Variants in CACNB2 observed in about 807,000 individuals in gnomAD.
CACNB2 encodes voltage-dependent L-type calcium channel subunit beta-2.
Under a neutral mutation model 73.3 loss-of-function variants are expected in CACNB2, and 42 were observed. The ratio of observed to expected loss-of-function variants is 0.57; its 90% CI spans 0.45 to 0.74. CACNB2 has a LOEUF of 0.74. Ranked by LOEUF, CACNB2 falls within the 30% of genes least tolerant of loss-of-function variation. CACNB2 has a pLI of 0.00. For synonymous variants in CACNB2, 348 were observed against 310.3 expected (o/e 1.12, Z -1.28); for missense variants, 940 against 853.0 (o/e 1.10, Z -1.27).
intron 3 of CACNB2, 27 bp from the exon 4 acceptor site, chr10:18,498,328 T>C: frequency 6.2e-7 from 1 of 1,613,908 alleles, no homozygotes; most frequent in Non-Finnish European, 8.5e-7. Flanking sequence ...GCTCTTATTT[T>C]TTTCCCTCTT....
chr10:18,296,563 T>C (rs1274016495), intron 2 of CACNB2, among the ~76,000 whole-genome samples: 1 of 152,164 alleles, frequency 6.6e-6, no homozygotes, highest in Non-Finnish European at 1.5e-5. Context: ...TCAGTGAATA[T>C]GAATATTCAC....
intron 2 of CACNB2, among the ~76,000 whole-genome samples, chr10:18,212,643 T>C (rs1158153532): frequency 6.6e-6 from 1 of 152,216 alleles, no homozygotes; most frequent in Non-Finnish European, 1.5e-5. Context: ...AGGAATCTAA[T>C]TTTAAGTTTT....
intron 3 of CACNB2, among the ~76,000 whole-genome samples, chr10:18,496,385 C>A (rs1166785967): frequency 6.6e-6 from 1 of 152,062 alleles, no homozygotes; most frequent in Non-Finnish European, 1.5e-5. Flanking sequence ...AAATTAACTT[C>A]GGAAAATTTG....
intron 2 of CACNB2, among the ~76,000 whole-genome samples, chr10:18,283,385 G>A (rs2038640621): frequency 6.6e-6 from 1 of 152,024 alleles, no homozygotes; most frequent in African/African-American, 2.4e-5. Context: ...ATTTATTGCA[G>A]CACTATTCAC....
At chr10:18,230,528 A>C (rs924398444) in intron 2 of CACNB2, among the ~76,000 whole-genome samples, 1 of 152,252 alleles carries the variant, frequency 6.6e-6, no homozygotes, top group Non-Finnish European at 1.5e-5. Context: ...CAGTTCCTTG[A>C]GATTTAAAAA....
chr10:18,358,497 GCTCTCTCTCTCT>G lies in CACNB2; in HGVS notation c.214-43383_214-43372del, dbSNP rs59205683. The stretch of plus-strand genomic sequence containing the variant: ...GGGAAATTCCTTTTCTAATGAGCAC[GCTCTCTCTCTCT>G]CTCTCTCTCTCTCTCTCTCTCTCTC... On this transcript the variant is annotated intron_variant, in intron 2 of 13. Transcript: ENST00000324631. Among the ~76,000 whole-genome samples the G allele has an allele frequency of 5.0e-3, 526 of 104,306 alleles. 1 individual carries two copies. The highest frequency in any genetic ancestry group is 0.011 in the African/African-American group (285 of 26,410). 68.4% of individuals were successfully genotyped at this position (104,306 alleles called of 152,430 possible). A position where few individuals can be genotyped will look rare whatever the true frequency, so the allele number is the denominator to read the frequency against.
chr10:18,324,820 C>A (rs1478308232), intron 2 of CACNB2, among the ~76,000 whole-genome samples: 2 of 152,324 alleles, frequency 1.3e-5, no homozygotes, highest in Middle Eastern at 3.4e-3. Context: ...TGTGCCATTG[C>A]ACCCCAGCCT....
intron 2 of CACNB2, among the ~76,000 whole-genome samples, chr10:18,229,203 G>A (rs1430696396): frequency 6.6e-6 from 1 of 152,158 alleles, no homozygotes; most frequent in Non-Finnish European, 1.5e-5. Flanking sequence ...CATAATATTA[G>A]AATATTAATT....
intron 9 of CACNB2, among the ~76,000 whole-genome samples, chr10:18,520,724 C>G (rs1400678417): frequency 6.6e-6 from 1 of 152,218 alleles, no homozygotes; most frequent in Admixed American, 6.5e-5. Flanking sequence ...CGTACTTACT[C>G]CCTTGCTGTT....
intron 2 of CACNB2, among the ~76,000 whole-genome samples, chr10:18,296,679 T>C (rs2039292821): frequency 6.6e-6 from 1 of 152,210 alleles, no homozygotes; most frequent in African/African-American, 2.4e-5. Context: ...AGTTCAAACT[T>C]ACAGGGTACT....
chr10:18,539,284 C>CAAGCTG lies in CACNB2; in HGVS notation c.1547_1552dup (p.Ala516_Glu517dup), dbSNP rs750100940. 2 of 1,614,000 alleles carry CAAGCTG rather than the reference C, an allele frequency of 1.2e-6. No homozygotes were observed. Among genetic ancestry groups the CAAGCTG allele is most frequent in the Non-Finnish European group, 1.7e-6 (2 of 1,179,968 alleles). On this transcript the variant is annotated inframe_insertion, in exon 14 of 14. Transcript: ENST00000324631. Reference sequence around the variant, plus strand: ...CTCCGCTCCTATCCGTTCTGCTTCCCAAGCTGAAGAAGAACCTAGTGTGGA... The same window carrying CAAGCTG: ...CTCCGCTCCTATCCGTTCTGCTTCCCAAGCTGAAGCTGAAGAAGAACCTAGTGTGGA...
intron 2 of CACNB2, among the ~76,000 whole-genome samples, chr10:18,356,038 C>T (rs920029511): frequency 6.6e-6 from 1 of 152,170 alleles, no homozygotes; most frequent in Non-Finnish European, 1.5e-5. Flanking sequence ...AAGGATTGCT[C>T]CACGGAGACT....
rs538520828 is a variant in CACNB2, at chr10:18,240,932, G to T, written c.213+89957G>T. 2.0e-5 allele frequency among the ~76,000 whole-genome samples: 3 copies of T among 152,272 alleles called. No individual in the cohort carries two copies. In the South Asian group the frequency reaches 6.2e-4, roughly 32 times the overall value. On this transcript the variant is annotated intron_variant, in intron 2 of 13. Transcript: ENST00000324631. ...CAGAGTAATCTTTTCCCAGTGAAAA[G>T]AAAAACACAGAAGATGTTGCCATAA... is the stretch of plus-strand genomic sequence containing the variant.
At chr10:18,323,206 G>T (rs369289105) in intron 2 of CACNB2, among the ~76,000 whole-genome samples, 1 of 151,500 alleles carries the variant, frequency 6.6e-6, no homozygotes, top group Non-Finnish European at 1.5e-5. Context: ...CAATCCTCTC[G>T]CCTCAGCCTC....
chr10:18,532,963 A>C (rs1046046441), intron 10 of CACNB2: 6 of 151,992 alleles, frequency 3.9e-5, no homozygotes, highest in Non-Finnish European at 8.8e-5. Flanking sequence ...TTTTTTAAAG[A>C]TATCTAGGTA....
chr10:18,431,699 A>G (rs1378995809), intron 3 of CACNB2, among the ~76,000 whole-genome samples: 6 of 152,234 alleles, frequency 3.9e-5, no homozygotes, highest in African/African-American at 1.4e-4. Context: ...AAAAAAGCCA[A>G]GAAACAAAAT....
intron 3 of CACNB2, among the ~76,000 whole-genome samples, chr10:18,436,152 A>G (rs191058601): frequency 6.6e-6 from 1 of 152,358 alleles, no homozygotes; most frequent in African/African-American, 2.4e-5. Context: ...ATCTAAAGCT[A>G]TGTGCAGTAA....
chr10:18,360,493 G>T (rs1386504978), intron 2 of CACNB2, among the ~76,000 whole-genome samples: 2 of 152,226 alleles, frequency 1.3e-5, no homozygotes, highest in Admixed American at 6.5e-5. Context: ...CAAAGTGCTG[G>T]GATTACAGGC....
chr10:18,164,112 A>G (rs2032671548), intron 2 of CACNB2, among the ~76,000 whole-genome samples: 1 of 152,190 alleles, frequency 6.6e-6, no homozygotes, highest in Admixed American at 6.5e-5. Context: ...GATCTTTGTA[A>G]ACTTTTACGA....
Sources: gnomAD v4.1 joint callset for allele counts (sites outside exome capture counted in the v4.1 genomes callset) on GRCh38, gnomAD v4.1.1 for gene constraint, MANE v1.5 for transcripts, NCBI Gene and HGNC (gene_info 2026-07-23, HGNC 2026-07-21) for gene names.